The following TAFA2 variants were observed in gnomAD, a reference collection of about 807,000 sequenced individuals.
TAFA2 encodes the protein chemokine-like protein TAFA-2.
Under a neutral mutation model 18.8 loss-of-function variants are expected in TAFA2, and 7 were observed. The observed-to-expected ratio is 0.37, with a 90% CI of 0.21 to 0.70. The LOEUF is 0.70. Among genes scored for constraint, TAFA2 ranks in the 30% least tolerant of loss-of-function variants. The pLI is 0.53. For synonymous variants in TAFA2, 60 were observed against 54.2 expected (o/e 1.11, Z -0.47); for missense variants, 122 against 158.1 (o/e 0.77, Z 1.23).
chr12:61,869,187 G>A (rs1874485560), intron 1 of TAFA2, among the ~76,000 whole-genome samples: 1 of 152,146 alleles, frequency 6.6e-6, no homozygotes, highest in South Asian at 2.1e-4. Flanking sequence ...CATACAAGAA[G>A]ATAGGTATTT....
chr12:62,040,168 T>C (rs1881720563), intron 1 of TAFA2, among the ~76,000 whole-genome samples: 2 of 152,100 alleles, frequency 1.3e-5, no homozygotes, highest in Non-Finnish European at 2.9e-5. Context: ...ACAGTCTGAC[T>C]CCAAACACCA....
rs551711695 is a variant in TAFA2, at chr12:61,879,468, G to A, written c.-1-12042C>T. ...GCAGCAGCAGCTTCCAGGGTGGCCT[G>A]GGTGGAGGCTTTGGCGGGGCCAGCG... On this transcript the variant is annotated intron_variant, in intron 1 of 4. Transcript: ENST00000416284. The A allele has an allele frequency of 1.9e-5, 13 of 693,612 alleles. No individual in the cohort carries two copies. The African/African-American group carries it at 2.3e-4, about 12-fold the overall frequency. The allele number at this position is 693,612 out of a possible 1,614,324, so 43.0% of individuals were successfully genotyped here. A position where few individuals can be genotyped will look rare whatever the true frequency, so the allele number is the denominator to read the frequency against.
chr12:62,150,482 A>T (rs912076373), intron 1 of TAFA2, among the ~76,000 whole-genome samples: 1 of 152,114 alleles, frequency 6.6e-6, no homozygotes, highest in African/African-American at 2.4e-5. Flanking sequence ...CCCTCTTCCA[A>T]CCCATCCTAC....
At chr12:61,943,596 AGGAT>A (rs1433386872) in intron 1 of TAFA2, among the ~76,000 whole-genome samples, 58 of 151,506 alleles carry the variant, frequency 3.8e-4, no homozygotes, top group Admixed American at 3.7e-3. Context: ...TCAAAATAAA[AGGAT>A]GGAGGAAGAT....
chr12:62,093,595 C>T (rs757917365), intron 1 of TAFA2, among the ~76,000 whole-genome samples: 68 of 152,146 alleles, frequency 4.5e-4, no homozygotes, highest in Non-Finnish European at 8.5e-4. Context: ...AGAATTTATA[C>T]ATCCAAACAG....
intron 2 of TAFA2, among the ~76,000 whole-genome samples, chr12:61,759,453 A>G (rs375153318): frequency 6.6e-6 from 1 of 152,068 alleles, no homozygotes. Context: ...CACCAGCCAG[A>G]GCAACGAATT....
At chr12:62,047,616 T>C (rs1157426308) in intron 1 of TAFA2, among the ~76,000 whole-genome samples, 4 of 152,198 alleles carry the variant, frequency 2.6e-5, no homozygotes, top group African/African-American at 4.8e-5. Context: ...AAGTGTTAGT[T>C]TGCATTTTTT....
intron 2 of TAFA2, among the ~76,000 whole-genome samples, chr12:61,862,998 T>C (rs1874190809): frequency 6.6e-6 from 1 of 152,220 alleles, no homozygotes; most frequent in Admixed American, 6.5e-5. Flanking sequence ...TGCTATATTC[T>C]CAGGCCTTAA....
intron 1 of TAFA2, among the ~76,000 whole-genome samples, chr12:62,219,750 T>C (rs1275704023): frequency 6.6e-6 from 1 of 152,150 alleles, no homozygotes; most frequent in Non-Finnish European, 1.5e-5. Flanking sequence ...TGTGCCTCCT[T>C]CTATTAAGTT....
intron 1 of TAFA2, among the ~76,000 whole-genome samples, chr12:61,908,288 A>G (rs4365106): frequency 0.27 from 40,957 of 152,000 alleles, 6,153 homozygotes; most frequent in East Asian, 0.41. Context: ...TGATGGGGGC[A>G]GATCTTTCTG....
intron 1 of TAFA2, among the ~76,000 whole-genome samples, chr12:62,134,237 G>A (rs907969182): frequency 6.6e-6 from 1 of 151,884 alleles, no homozygotes; most frequent in South Asian, 2.1e-4. Flanking sequence ...GAATATTTGT[G>A]GAGCCCTAAT....
intron 2 of TAFA2, among the ~76,000 whole-genome samples, chr12:61,795,424 T>C (rs1365119830): frequency 1.3e-5 from 2 of 152,104 alleles, no homozygotes; most frequent in African/African-American, 4.8e-5. Flanking sequence ...GTTCATGTCC[T>C]TTGTAGGGAC....
chr12:62,071,385 G>A (rs1234163761), intron 1 of TAFA2, among the ~76,000 whole-genome samples: 2 of 152,274 alleles, frequency 1.3e-5, no homozygotes, highest in East Asian at 3.9e-4. Flanking sequence ...GACTTTGTAA[G>A]CCTGAGTAAG....
At chr12:61,719,780 A>C (rs1342240062) in intron 4 of TAFA2, among the ~76,000 whole-genome samples, 1 of 152,164 alleles carries the variant, frequency 6.6e-6, no homozygotes, top group Non-Finnish European at 1.5e-5. Context: ...GCTGTCACTT[A>C]AAAGGACTTG....
intron 1 of TAFA2, among the ~76,000 whole-genome samples, chr12:61,956,111 C>A (rs566450362): frequency 6.6e-6 from 1 of 151,904 alleles, no homozygotes; most frequent in Non-Finnish European, 1.5e-5. Flanking sequence ...CAAACACTTT[C>A]GTTCTATATT....
At chr12:61,986,341 T>C (rs1404250911) in intron 1 of TAFA2, among the ~76,000 whole-genome samples, 1 of 151,546 alleles carries the variant, frequency 6.6e-6, no homozygotes, top group African/African-American at 2.4e-5. Flanking sequence ...TTTTTGTATT[T>C]TTAGTAGAGA....
intron 2 of TAFA2, among the ~76,000 whole-genome samples, chr12:61,812,659 T>C (rs529837347): frequency 6.7e-6 from 1 of 149,924 alleles, no homozygotes. Flanking sequence ...AACCTCTGAC[T>C]CCAGGATTCA....
intron 1 of TAFA2, among the ~76,000 whole-genome samples, chr12:62,092,446 T>C (rs1478899899): frequency 6.6e-6 from 1 of 151,928 alleles, no homozygotes; most frequent in Non-Finnish European, 1.5e-5. Context: ...CCTATCAGGG[T>C]CACAAATGAC....
Position 62,079,824 on chromosome 12 carries a change from A to G in TAFA2, c.-2+111435T>C, listed in dbSNP as rs139786058. The stretch of plus-strand genomic sequence containing the variant: ...TCACAAAAAAAGTGCATCAAGCAGC[A>G]CACTAACAGCAAAGTCAGTATCTTC... On this transcript the variant is annotated intron_variant, in intron 1 of 4. Coordinates refer to ENST00000416284, the MANE Select transcript of TAFA2 (RefSeq NM_178539.5). 6.5e-3 allele frequency among the ~76,000 whole-genome samples: 997 copies of G among 152,338 alleles called. 15 individuals are homozygous for G. The highest frequency in any genetic ancestry group is 0.023 in the African/African-American group (941 of 41,562).
Sources: allele counts gnomAD v4.1 joint callset (sites outside exome capture counted in the v4.1 genomes callset), GRCh38; gene constraint gnomAD v4.1.1; transcripts MANE v1.5; gene names NCBI Gene and HGNC (gene_info 2026-07-23, HGNC 2026-07-21).